SMAP1: variants seen among roughly 807,000 people sequenced by gnomAD.
SMAP1 encodes stromal membrane-associated protein 1.
In SMAP1, 24 loss-of-function variants were observed where a neutral mutation model predicts 58.5. That is an observed-to-expected ratio of 0.41 (90% CI 0.30 to 0.58). The LOEUF (loss-of-function observed/expected upper bound fraction) is 0.58. SMAP1 is among the 20% of genes least tolerant of loss of function. The pLI, the probability that SMAP1 is intolerant of heterozygous loss-of-function variation, is 0.29. For synonymous variants in SMAP1, 216 were observed against 196.6 expected (o/e 1.10, Z -0.82); for missense variants, 563 against 566.3 (o/e 0.99, Z 0.06).
intron 6 of SMAP1, among the ~76,000 whole-genome samples, chr6:70,827,096 C>A (rs898868879): frequency 5.3e-5 from 8 of 151,948 alleles, no homozygotes; most frequent in African/African-American, 1.9e-4. Context: ...AGATTATGAA[C>A]CGGATAGACA....
At chr6:70,790,920 T>C (rs1768323518) in intron 4 of SMAP1, among the ~76,000 whole-genome samples, 3 of 152,206 alleles carry the variant, frequency 2.0e-5, no homozygotes, top group African/African-American at 7.2e-5. Flanking sequence ...AGGAAGATAA[T>C]GCTTCCATTA....
At chr6:70,718,950 AT>A (rs987736180) in intron 1 of SMAP1, among the ~76,000 whole-genome samples, 4 of 151,792 alleles carry the variant, frequency 2.6e-5, no homozygotes, top group Admixed American at 1.3e-4. Flanking sequence ...ATTAATGTGT[AT>A]TTTTAATGTG....
At position 70,856,823 on chromosome 6, in the gene SMAP1, G is replaced by A. The variant is rs374744452; in HGVS notation, c.790-36G>A. 23 of 1,555,464 alleles carry A rather than the reference G, an allele frequency of 1.5e-5. No homozygotes were observed. In the African/African-American group the frequency reaches 2.6e-4, roughly 18 times the overall value. On this transcript the variant is annotated intron_variant, in intron 8 of 10. Coordinates refer to ENST00000370455, the MANE Select transcript of SMAP1 (RefSeq NM_001044305.3). Reference sequence around the variant, plus strand: ...TAATGGATAAGCTGCGCTTTACTATGCAGAATTTGATAGCTTATTTTGGTG... The same window carrying A: ...TAATGGATAAGCTGCGCTTTACTATACAGAATTTGATAGCTTATTTTGGTG...
At position 70,852,580 on chromosome 6, in the gene SMAP1, G is replaced by T; in HGVS notation, c.705G>T (p.Thr235=). 1.2e-6 allele frequency: 2 copies of T among 1,608,784 alleles called. No individual in the cohort carries two copies. The highest frequency in any genetic ancestry group is 2.7e-5 in the African/African-American group (2 of 74,818). ...CACCAGTGACCAACGGGAACACAAC[G>T]GTGCCACCCCTGAACGATGATCTGG... ...AVAPVTNGNT[T]VPPLNDDLDI... The change falls in exon 8 of 11, where the codon ACG becomes ACT. Residue 235 remains threonine, a synonymous_variant. Transcript: ENST00000370455.
chr6:70,734,803 T>A (rs1015055208), intron 2 of SMAP1: 1 of 153,320 alleles, frequency 6.5e-6, no homozygotes, highest in Non-Finnish European at 1.5e-5. Flanking sequence ...ATTCTTACTT[T>A]ATGAAAGACC....
chr6:70,836,798 A>G (rs557200114), intron 6 of SMAP1, 143 bp from the exon 7 acceptor site: 1 of 672,272 alleles, frequency 1.5e-6, no homozygotes, highest in Non-Finnish European at 2.3e-6. Flanking sequence ...TTTGTATATG[A>G]CAAATAATAT....
chr6:70,773,288 T>C (rs2149914727), intron 3 of SMAP1, 62 bp from the exon 4 acceptor site: 3 of 980,734 alleles, frequency 3.1e-6, no homozygotes, highest in Non-Finnish European at 4.6e-6. Flanking sequence ...TGGAGTGGCG[T>C]GAATAAAGGG....
At chr6:70,809,151 C>T (rs867545879) in intron 6 of SMAP1, among the ~76,000 whole-genome samples, 17 of 152,024 alleles carry the variant, frequency 1.1e-4, no homozygotes, top group Admixed American at 6.5e-5. Context: ...ATAAAAATTC[C>T]AGGAAGGAAA....
At chr6:70,703,340 G>A (rs746819929) in intron 1 of SMAP1, among the ~76,000 whole-genome samples, 16 of 152,106 alleles carry the variant, frequency 1.1e-4, no homozygotes, top group Non-Finnish European at 1.9e-4. Context: ...TCCCAAAGTG[G>A]TGGGATTACA....
intron 2 of SMAP1, among the ~76,000 whole-genome samples, chr6:70,740,357 C>T (rs370949032): frequency 2.6e-5 from 4 of 151,804 alleles, no homozygotes; most frequent in South Asian, 2.1e-4. Context: ...GTCAGGAGTT[C>T]GAACCAGCCT....
chr6:70,758,948 T>C (rs992051726), intron 3 of SMAP1, among the ~76,000 whole-genome samples: 1 of 152,100 alleles, frequency 6.6e-6, no homozygotes, highest in African/African-American at 2.4e-5. Context: ...GTTACACATA[T>C]ACATGGAGTT....
rs1215539478 is a variant in SMAP1 at position 70,767,675 on chromosome 6, T to C, written c.339-5675T>C. On this transcript the variant is annotated intron_variant, in intron 3 of 10. Coordinates refer to ENST00000370455, the MANE Select transcript of SMAP1 (RefSeq NM_001044305.3). ...CTGAGACGATGGGGTTTTCTAGATA[T>C]ACAATCATGTCATCTGCAAACAGGG... Among the ~76,000 whole-genome samples the C allele has an allele frequency of 3.3e-5, 5 of 149,888 alleles. No homozygotes were observed. In the East Asian group the frequency reaches 9.7e-4, roughly 29 times the overall value.
At chr6:70,704,658 A>G (rs2149832131) in intron 1 of SMAP1, among the ~76,000 whole-genome samples, 1 of 152,298 alleles carries the variant, frequency 6.6e-6, no homozygotes, top group Middle Eastern at 3.4e-3. Context: ...AATATATTCC[A>G]CAGTTGTATT....
chr6:70,794,788 CTT>C lies in SMAP1; in HGVS notation c.495+3036_495+3037del, dbSNP rs34050089. ...GGTGTATTGTGCCACATTTTCTTTT[CTT>C]TTTTTTTTTTTTTTTTGAGATGGAG... On this transcript the variant is annotated intron_variant, in intron 5 of 10. Transcript: ENST00000370455. Among the ~76,000 whole-genome samples the C allele has an allele frequency of 2.3e-3, 265 of 114,958 alleles. 4 individuals are homozygous for C. Among genetic ancestry groups the C allele is most frequent in the Non-Finnish European group, 3.4e-3 (191 of 56,264 alleles). 75.4% of individuals were successfully genotyped at this position (114,958 alleles called of 152,430 possible).
chr6:70,722,518 C>T (rs1582061753), intron 1 of SMAP1, among the ~76,000 whole-genome samples: 2 of 152,206 alleles, frequency 1.3e-5, no homozygotes, highest in Non-Finnish European at 2.9e-5. Context: ...CAGGGAGACC[C>T]TAACCCAGTG....
chr6:70,718,233 T>C (rs1461084823), intron 1 of SMAP1, among the ~76,000 whole-genome samples: 1 of 152,184 alleles, frequency 6.6e-6, no homozygotes, highest in African/African-American at 2.4e-5. Flanking sequence ...GAGGACATTG[T>C]AGCTAATGAG....
chr6:70,697,661 CTTT>C (rs994339171), intron 1 of SMAP1, among the ~76,000 whole-genome samples: 3 of 152,096 alleles, frequency 2.0e-5, no homozygotes, highest in Admixed American at 2.0e-4. Flanking sequence ...TAATTCATTG[CTTT>C]TTATTTTTTA....
At chr6:70,828,100 TACAA>T (rs911646569) in intron 6 of SMAP1, among the ~76,000 whole-genome samples, 12 of 152,120 alleles carry the variant, frequency 7.9e-5, no homozygotes, top group Admixed American at 2.6e-4. Flanking sequence ...AGCATACAAA[TACAA>T]ACAGATATAG....
intron 1 of SMAP1, among the ~76,000 whole-genome samples, chr6:70,720,976 T>C (rs974019887): frequency 6.6e-6 from 1 of 152,106 alleles, no homozygotes; most frequent in African/African-American, 2.4e-5. Context: ...CTCTTAACAG[T>C]AGTAGGTGAA....
Sources: allele counts gnomAD v4.1 joint callset (sites outside exome capture counted in the v4.1 genomes callset), GRCh38; gene constraint gnomAD v4.1.1; transcripts MANE v1.5; gene names NCBI Gene and HGNC (gene_info 2026-07-23, HGNC 2026-07-21).